The following ADCY9 variants were observed in gnomAD, a reference collection of about 807,000 sequenced individuals.
ADCY9 encodes the protein adenylate cyclase 9.
ADCY9 carries 50 observed loss-of-function variants against 101.5 expected under a neutral mutation model. The observed-to-expected ratio is 0.49, with a 90% CI of 0.39 to 0.62. The LOEUF (loss-of-function observed/expected upper bound fraction) is 0.62. Ranked by LOEUF, ADCY9 falls within the 20% of genes least tolerant of loss-of-function variation. The probability of loss-of-function intolerance (pLI) is 0.00; values close to 1 mark genes in which losing one functional copy is unlikely to be tolerated. For missense variants in ADCY9, 1,662 were observed against 1,800.4 expected, an observed-to-expected ratio of 0.92 and a Z score of 1.39; for synonymous variants, 905 against 769.3, an observed-to-expected ratio of 1.18 and a Z score of -2.92.
chr16:4,013,584 G>C (rs919777738), intron 2 of ADCY9, among the ~76,000 whole-genome samples: 6 of 152,204 alleles, frequency 3.9e-5, no homozygotes, highest in Non-Finnish European at 8.8e-5. Context: ...ACAATAAACA[G>C]AAAAGAGGCA....
chr16:4,044,160 A>G (rs2056646353), intron 2 of ADCY9, among the ~76,000 whole-genome samples: 1 of 152,090 alleles, frequency 6.6e-6, no homozygotes, highest in African/African-American at 2.4e-5. Flanking sequence ...CAGTCTAGCC[A>G]ACATGGTGCA....
chr16:3,991,763 TA>T (rs55746006), intron 5 of ADCY9, among the ~76,000 whole-genome samples: 10,155 of 89,994 alleles, frequency 0.11, 264 homozygotes, highest in South Asian at 0.19. Context: ...CTAGTCCTTA[TA>T]AAAAAAAAAA....
intron 9 of ADCY9, among the ~76,000 whole-genome samples, chr16:3,976,894 G>A (rs2056097047): frequency 6.6e-6 from 1 of 152,330 alleles, no homozygotes; most frequent in East Asian, 1.9e-4. Context: ...CTGACCTCAG[G>A]TGATCTGCCT....
chr16:3,965,904 C>A lies in ADCY9; in HGVS notation c.3933G>T (p.Pro1311=), dbSNP rs771056818. Reference sequence around the variant, plus strand: ...CTTCGGCTTTGACGGGCTCCTTCCACGGTCTCTTGGGGGACAGGTGGGCAT... The same window carrying A: ...CTTCGGCTTTGACGGGCTCCTTCCAAGGTCTCTTGGGGGACAGGTGGGCAT... The part of the protein sequence containing the change: ...AKDAHLSPKR[P]WKEPVKAEER... Residue 1311 remains proline (P), a synonymous_variant, in exon 11 of 11, where the codon CCG becomes CCT. Transcript: ENST00000294016. 1 of 1,614,080 alleles carries A rather than the reference C, an allele frequency of 6.2e-7. No individual in the cohort carries two copies. Among genetic ancestry groups the A allele is most frequent in the African/African-American group, 1.3e-5 (1 of 74,928 alleles).
At chr16:4,000,354 T>C in intron 3 of ADCY9, among the ~76,000 whole-genome samples, 1 of 152,050 alleles carries the variant, frequency 6.6e-6, no homozygotes, top group Admixed American at 6.6e-5. Flanking sequence ...GCAGCAGAGC[T>C]CCTGGCCCCA....
intron 2 of ADCY9, among the ~76,000 whole-genome samples, chr16:4,038,058 G>A (rs978357248): frequency 6.6e-6 from 1 of 152,202 alleles, no homozygotes; most frequent in Non-Finnish European, 1.5e-5. Flanking sequence ...AGAATCACTT[G>A]AGTCCAGGAG....
rs74915450 is a variant in ADCY9, at chr16:4,040,148, G to C, written c.1694-32590C>G. On this transcript the variant is annotated intron_variant, in intron 2 of 10. Transcript: ENST00000294016. ...GGCATTCATCTAGGCTAAAATTTTG[G>C]TTTCTGAGAACAAATCATTTTGCTA... Among the ~76,000 whole-genome samples the C allele has an allele frequency of 9.2e-3, 1,393 of 152,184 alleles. 27 individuals carry two copies. Among genetic ancestry groups the C allele is most frequent in the African/African-American group, 0.032 (1,321 of 41,510 alleles).
In ADCY9 at chr16:3,964,304, C is replaced by T. The variant is rs925291456; in HGVS notation, c.*1471G>A. On this transcript the variant is annotated 3_prime_UTR_variant, in exon 11 of 11. Transcript: ENST00000294016. ...TCCGACCGGACAACTCGGGCGAGCTCACTTCCACACAAACTTCAGACTCAA... is the reference window on the plus strand; with the variant it reads ...TCCGACCGGACAACTCGGGCGAGCTTACTTCCACACAAACTTCAGACTCAA... The T allele has an allele frequency of 3.9e-5, 6 of 152,364 alleles. No individual in the cohort carries two copies. Among genetic ancestry groups the T allele is most frequent in the African/African-American group, 1.4e-4 (6 of 41,462 alleles). 9.4% of individuals were successfully genotyped at this position (152,364 alleles called of 1,614,324 possible). A position where few individuals can be genotyped will look rare whatever the true frequency, so the allele number is the denominator to read the frequency against.
At chr16:4,035,140 C>A (rs1474867843) in intron 2 of ADCY9, among the ~76,000 whole-genome samples, 1 of 152,220 alleles carries the variant, frequency 6.6e-6, no homozygotes, top group Non-Finnish European at 1.5e-5. Context: ...TGGCACTAAT[C>A]TCTGCCATCC....
intron 2 of ADCY9, among the ~76,000 whole-genome samples, chr16:4,037,660 G>A (rs1350454342): frequency 6.6e-6 from 1 of 152,158 alleles, no homozygotes; most frequent in Non-Finnish European, 1.5e-5. Flanking sequence ...TAGCCATTCT[G>A]ACTGGCATAA....
At chr16:4,004,524 A>C (rs907901216) in intron 3 of ADCY9, among the ~76,000 whole-genome samples, 3 of 152,228 alleles carry the variant, frequency 2.0e-5, no homozygotes, top group South Asian at 2.1e-4. Context: ...CGGGCTTCTG[A>C]CTTCAGTCCT....
intron 2 of ADCY9, among the ~76,000 whole-genome samples, chr16:4,071,404 CT>C (rs1354500856): frequency 6.9e-6 from 1 of 145,328 alleles, no homozygotes; most frequent in Admixed American, 7.0e-5. Context: ...GGCATTGAGG[CT>C]TTTAAAAAGT....
At chr16:3,979,087 G>A (rs374881841) in intron 8 of ADCY9, 29 bp downstream of exon 8, 2 of 1,612,898 alleles carry the variant, frequency 1.2e-6, no homozygotes, top group African/African-American at 1.3e-5. Flanking sequence ...AGGAGAGCGT[G>A]GAAATAAAAC....
chr16:4,030,929 G>A (rs2056551112), intron 2 of ADCY9, among the ~76,000 whole-genome samples: 1 of 152,040 alleles, frequency 6.6e-6, no homozygotes, highest in Admixed American at 6.6e-5. Flanking sequence ...GTACACTTAT[G>A]CATTTTATGT....
In ADCY9 at chr16:3,966,649, C is replaced by T. The variant is rs759778264; in HGVS notation, c.3188G>A (p.Ser1063Asn). Residue 1063 changes from serine to asparagine, a missense_variant, in exon 11 of 11, where the codon AGC becomes AAC. By Grantham distance (46) the Ser-to-Asn change is conservative. Coordinates refer to ENST00000294016, the MANE Select transcript of ADCY9 (RefSeq NM_001116.4). ...GTAGAACTCGCTGAAGTTGACGATGCTGGCGAAGATCACCCCTCCGCTGTC... is the reference window on the plus strand; with the variant it reads ...GTAGAACTCGCTGAAGTTGACGATGTTGGCGAAGATCACCCCTCCGCTGTC... ...NHDSGGVIFA[S>N]IVNFSEFYEE... 4 of 1,614,174 alleles carry T rather than the reference C, an allele frequency of 2.5e-6. No homozygotes were observed. The South Asian group carries it at 3.3e-5, about 13-fold the overall frequency.
At chr16:4,048,545 G>A (rs1221037644) in intron 2 of ADCY9, among the ~76,000 whole-genome samples, 2 of 152,160 alleles carry the variant, frequency 1.3e-5, no homozygotes, top group Non-Finnish European at 2.9e-5. Context: ...TACAACTCCT[G>A]CACTTGTAGA....
intron 8 of ADCY9, among the ~76,000 whole-genome samples, chr16:3,978,622 G>T (rs1031815459): frequency 3.3e-5 from 5 of 152,260 alleles, no homozygotes; most frequent in Admixed American, 6.5e-5. Flanking sequence ...CTGCCCGGGC[G>T]TGAGCATCTG....
At chr16:4,079,239 T>A (rs2056887022) in intron 2 of ADCY9, among the ~76,000 whole-genome samples, 1 of 152,140 alleles carries the variant, frequency 6.6e-6, no homozygotes, top group Non-Finnish European at 1.5e-5. Context: ...ATCCCCAGAA[T>A]AAAATCTAAG....
rs138738973 is a variant in ADCY9, at chr16:3,991,298, T to C, written c.2207+848A>G. Among the ~76,000 whole-genome samples the C allele has an allele frequency of 7.9e-5, 12 of 152,254 alleles. No individual in the cohort carries two copies. The East Asian group carries it at 2.3e-3, about 29-fold the overall frequency. ...CACCACCTTGCCTAATTAATCAAAA[T>C]TAGTATCACTAATGAGGAACAGACG... On this transcript the variant is annotated intron_variant, in intron 5 of 10. Transcript: ENST00000294016.
Sources: allele counts gnomAD v4.1 joint callset (sites outside exome capture counted in the v4.1 genomes callset), GRCh38; gene constraint gnomAD v4.1.1; transcripts MANE v1.5; gene names NCBI Gene and HGNC (gene_info 2026-07-23, HGNC 2026-07-21).